CPQ: variants seen among roughly 807,000 people sequenced by gnomAD.
The protein encoded by CPQ is Ser-Met dipeptidase.
Under a neutral mutation model 45.7 loss-of-function variants are expected in CPQ, and 37 were observed. The observed-to-expected ratio is 0.81, with a 90% CI of 0.62 to 1.07. The LOEUF is 1.07. Among genes scored for constraint, CPQ ranks in the 50% least tolerant of loss-of-function variants. The pLI is 0.00. For synonymous variants in CPQ, 186 were observed against 205.8 expected (o/e 0.90, Z 0.82); for missense variants, 537 against 572.9 (o/e 0.94, Z 0.64).
chr8:96,708,799 G>A (rs4145697), intron 1 of CPQ, among the ~76,000 whole-genome samples: 47,973 of 151,626 alleles, frequency 0.32, 7,987 homozygotes, highest in East Asian at 0.6. Flanking sequence ...CTGCTTTTTC[G>A]CAGAGTTACG....
chr8:96,889,976 C>A (rs1812352196), intron 4 of CPQ, among the ~76,000 whole-genome samples: 1 of 152,200 alleles, frequency 6.6e-6, no homozygotes, highest in African/African-American at 2.4e-5. Flanking sequence ...TCAATCCAAT[C>A]AAGTTGACAC....
intron 3 of CPQ, among the ~76,000 whole-genome samples, chr8:96,836,993 T>C (rs1811539432): frequency 2.0e-5 from 3 of 152,194 alleles, no homozygotes. Context: ...TCAACATTTA[T>C]AAATACATAA....
intron 2 of CPQ, among the ~76,000 whole-genome samples, chr8:96,806,277 A>T (rs963598154): frequency 2.5e-4 from 38 of 152,152 alleles, no homozygotes; most frequent in African/African-American, 9.2e-4. Flanking sequence ...AATTGAGATA[A>T]TTTTTACCTT....
chr8:96,990,555 T>C (rs1434672498), intron 5 of CPQ, among the ~76,000 whole-genome samples: 1 of 152,170 alleles, frequency 6.6e-6, no homozygotes, highest in African/African-American at 2.4e-5. Context: ...TATTTGGGTT[T>C]TCCTCTAACT....
chr8:97,028,330 G>A (rs1031571608), intron 5 of CPQ, among the ~76,000 whole-genome samples: 2 of 152,228 alleles, frequency 1.3e-5, no homozygotes, highest in African/African-American at 4.8e-5. Flanking sequence ...CCAGGCTGCA[G>A]TTAGCCAGCT....
intron 3 of CPQ, among the ~76,000 whole-genome samples, chr8:96,866,720 A>G (rs1433087951): frequency 1.3e-5 from 2 of 152,040 alleles, no homozygotes; most frequent in African/African-American, 4.8e-5. Context: ...ACATCACCAT[A>G]GTGTTTATGA....
intron 1 of CPQ, among the ~76,000 whole-genome samples, chr8:96,784,524 T>C (rs1810733841): frequency 6.6e-6 from 1 of 152,120 alleles, no homozygotes; most frequent in Non-Finnish European, 1.5e-5. Flanking sequence ...ATTTGGATTA[T>C]ACTCTATTTA....
At chr8:96,775,439 C>T (rs748638200) in intron 1 of CPQ, among the ~76,000 whole-genome samples, 26 of 152,098 alleles carry the variant, frequency 1.7e-4, no homozygotes, top group Non-Finnish European at 3.8e-4. Context: ...GATTCTTGCA[C>T]GGTGAATGTG....
At chr8:97,041,666 C>T (rs2130490106) in intron 6 of CPQ, among the ~76,000 whole-genome samples, 1 of 152,252 alleles carries the variant, frequency 6.6e-6, no homozygotes, top group African/African-American at 2.4e-5. Context: ...CCCCTCAATA[C>T]CTAATTTATT....
At chr8:96,646,272 T>A (rs1405710143) in intron 1 of CPQ, among the ~76,000 whole-genome samples, 1 of 152,132 alleles carries the variant, frequency 6.6e-6, no homozygotes, top group African/African-American at 2.4e-5. Context: ...CTATATGTGT[T>A]TGCTTAAAAC....
chr8:96,965,133 G>T (rs1395087380), intron 4 of CPQ, among the ~76,000 whole-genome samples: 1 of 151,844 alleles, frequency 6.6e-6, no homozygotes, highest in Admixed American at 6.6e-5. Context: ...ATCTAGTTTT[G>T]AAATCCAGCT....
At chr8:96,926,524 T>G (rs1322871658) in intron 4 of CPQ, among the ~76,000 whole-genome samples, 2 of 149,670 alleles carry the variant, frequency 1.3e-5, no homozygotes, top group African/African-American at 5.0e-5. Context: ...CCAGTCCTCC[T>G]TTCTTCTTTT....
intron 1 of CPQ, among the ~76,000 whole-genome samples, chr8:96,754,625 A>G (rs1254291256): frequency 6.6e-6 from 1 of 152,036 alleles, no homozygotes; most frequent in East Asian, 1.9e-4. Flanking sequence ...CTTTCTTATA[A>G]TATTGAATCA....
intron 3 of CPQ, among the ~76,000 whole-genome samples, chr8:96,870,380 C>T (rs975704313): frequency 4.0e-5 from 6 of 151,876 alleles, no homozygotes; most frequent in Middle Eastern, 3.2e-3. Context: ...AGATTAAATA[C>T]GGTCATGGAT....
intron 4 of CPQ, among the ~76,000 whole-genome samples, chr8:96,893,132 G>A (rs1051137727): frequency 6.6e-6 from 1 of 152,216 alleles, no homozygotes; most frequent in African/African-American, 2.4e-5. Context: ...AAGCTTCTGA[G>A]TGGCTGAGCT....
chr8:97,078,629 G>T (rs894774735), intron 7 of CPQ, among the ~76,000 whole-genome samples: 2 of 151,934 alleles, frequency 1.3e-5, no homozygotes, highest in East Asian at 3.9e-4. Flanking sequence ...GTATCAACAC[G>T]ATCACCAACA....
chr8:96,667,241 A>C (rs1463313566), intron 1 of CPQ, among the ~76,000 whole-genome samples: 3 of 152,198 alleles, frequency 2.0e-5, no homozygotes, highest in Non-Finnish European at 4.4e-5. Flanking sequence ...GGTAGCTTAC[A>C]TAAGAAAATG....
intron 1 of CPQ, among the ~76,000 whole-genome samples, chr8:96,690,267 A>C (rs530225699): frequency 1.3e-5 from 2 of 152,264 alleles, no homozygotes; most frequent in East Asian, 3.9e-4. Flanking sequence ...TTAAAAAATA[A>C]TCATCTCTAA....
intron 1 of CPQ, among the ~76,000 whole-genome samples, chr8:96,690,687 A>G (rs1809294164): frequency 6.6e-6 from 1 of 152,214 alleles, no homozygotes; most frequent in Non-Finnish European, 1.5e-5. Flanking sequence ...CAAAGTTTAC[A>G]TGCCCAGTGC....
Sources: allele counts gnomAD v4.1 joint callset (sites outside exome capture counted in the v4.1 genomes callset), GRCh38; gene constraint gnomAD v4.1.1; transcripts MANE v1.5; gene names NCBI Gene and HGNC (gene_info 2026-07-23, HGNC 2026-07-21).